Variants in NAALADL2 observed in about 807,000 individuals in gnomAD.
The protein encoded by NAALADL2 is N-acetylated alpha-linked acidic dipeptidase like 2.
In NAALADL2, 76 loss-of-function variants were observed where a neutral mutation model predicts 87.2. The ratio of observed to expected loss-of-function variants is 0.87; its 90% CI spans 0.72 to 1.05. The LOEUF is 1.05. Among genes scored for constraint, NAALADL2 ranks in the 50% least tolerant of loss-of-function variants. NAALADL2 has a pLI of 0.00. For synonymous variants in NAALADL2, 354 were observed against 331.0 expected, an observed-to-expected ratio of 1.07 and a Z score of -0.75; for missense variants, 1,089 against 945.8, an observed-to-expected ratio of 1.15 and a Z score of -1.99.
At chr3:175,695,600 T>C (rs1737668968) in intron 11 of NAALADL2, among the ~76,000 whole-genome samples, 1 of 152,140 alleles carries the variant, frequency 6.6e-6, no homozygotes, top group African/African-American at 2.4e-5. Flanking sequence ...TTTAGTACTA[T>C]TTGTTCTTTT....
At chr3:175,621,271 A>T (rs1439297003) in intron 10 of NAALADL2, among the ~76,000 whole-genome samples, 1 of 152,164 alleles carries the variant, frequency 6.6e-6, no homozygotes, top group East Asian at 1.9e-4. Flanking sequence ...CTCCTAAGAG[A>T]GGGAGAGAAA....
intron 3 of NAALADL2, among the ~76,000 whole-genome samples, chr3:174,837,995 A>G (rs974054725): frequency 2.7e-5 from 4 of 150,530 alleles, no homozygotes; most frequent in African/African-American, 7.3e-5. Flanking sequence ...CTAATACCAA[A>G]ACCAGGAAAG....
intron 13 of NAALADL2, among the ~76,000 whole-genome samples, chr3:175,799,014 C>CA (rs1415651242): frequency 1.3e-5 from 2 of 151,916 alleles, no homozygotes; most frequent in Non-Finnish European, 2.9e-5. Flanking sequence ...ATACTAGTTG[C>CA]AATGTTACAA....
intron 4 of NAALADL2, among the ~76,000 whole-genome samples, chr3:175,291,308 C>A (rs553307044): frequency 6.6e-6 from 1 of 152,138 alleles, no homozygotes; most frequent in Admixed American, 6.5e-5. Context: ...AGCAACAGTT[C>A]TTTCGATCTA....
At chr3:174,481,170 C>A (rs963732407) in intron 1 of NAALADL2, among the ~76,000 whole-genome samples, 1 of 152,032 alleles carries the variant, frequency 6.6e-6, no homozygotes, top group Admixed American at 6.6e-5. Flanking sequence ...AGTAGGTAAA[C>A]TTGGCTGGAG....
At chr3:175,447,144 T>C (rs1581925632) in intron 5 of NAALADL2, 85 bp from the exon 6 acceptor site, 1 of 814,472 alleles carries the variant, frequency 1.2e-6, no homozygotes, top group African/African-American at 1.7e-5. Context: ...AGTCATAATT[T>C]AAATACTTAT....
At chr3:174,503,304 A>G (rs1719015620) in intron 1 of NAALADL2, among the ~76,000 whole-genome samples, 1 of 152,176 alleles carries the variant, frequency 6.6e-6, no homozygotes, top group Admixed American at 6.5e-5. Flanking sequence ...TCCAGTTGCT[A>G]CAAAGAGTCC....
At chr3:174,754,466 C>CTTTT (rs11285494) in intron 3 of NAALADL2, among the ~76,000 whole-genome samples, 4 of 125,506 alleles carry the variant, frequency 3.2e-5, no homozygotes, top group Admixed American at 1.6e-4. Context: ...ACAGAGCTAT[C>CTTTT]TTTTTTTTTT....
intron 4 of NAALADL2, among the ~76,000 whole-genome samples, chr3:175,308,794 C>A (rs907505410): frequency 1.3e-5 from 2 of 152,182 alleles, no homozygotes; most frequent in African/African-American, 4.8e-5. Flanking sequence ...GCAAAGGCAA[C>A]TGGTAATCTA....
intron 1 of NAALADL2, among the ~76,000 whole-genome samples, chr3:175,020,385 T>A (rs1751420532): frequency 6.6e-6 from 1 of 152,092 alleles, no homozygotes; most frequent in South Asian, 2.1e-4. Context: ...CTTCAAAGCT[T>A]TAATCATGAA....
chr3:175,132,221 C>A (rs1728121722), intron 2 of NAALADL2, among the ~76,000 whole-genome samples: 1 of 69,172 alleles, frequency 1.4e-5, no homozygotes, highest in African/African-American at 8.4e-5. Flanking sequence ...CGGGCAGAGG[C>A]GCCCCTCACC....
chr3:175,084,165 G>C (rs1487445354), intron 1 of NAALADL2, among the ~76,000 whole-genome samples: 1 of 152,184 alleles, frequency 6.6e-6, no homozygotes, highest in African/African-American at 2.4e-5. Context: ...TAGCTTGAGT[G>C]GTGGTCTGGT....
intron 2 of NAALADL2, among the ~76,000 whole-genome samples, chr3:174,601,650 T>C (rs776049088): frequency 6.6e-6 from 1 of 152,154 alleles, no homozygotes; most frequent in Non-Finnish European, 1.5e-5. Context: ...TTTAACTTGA[T>C]GTGATCCCAT....
chr3:175,106,464 C>A (rs866844074), intron 2 of NAALADL2, among the ~76,000 whole-genome samples: 3 of 152,016 alleles, frequency 2.0e-5, no homozygotes, highest in African/African-American at 7.2e-5. Flanking sequence ...CTATAATATG[C>A]TTTTCCATCC....
At chr3:175,157,855 G>T (rs574199587) in intron 2 of NAALADL2, among the ~76,000 whole-genome samples, 1 of 152,024 alleles carries the variant, frequency 6.6e-6, no homozygotes, top group African/African-American at 2.4e-5. Context: ...GACTGAAGTT[G>T]ATCAACATAC....
At chr3:174,720,883 T>C (rs1731653788) in intron 2 of NAALADL2, among the ~76,000 whole-genome samples, 1 of 152,204 alleles carries the variant, frequency 6.6e-6, no homozygotes, top group African/African-American at 2.4e-5. Flanking sequence ...GTAATAGTTC[T>C]TAGAGACCAT....
chr3:175,471,573 C>A, intron 8 of NAALADL2, 66 bp from the exon 9 acceptor site: 2 of 864,856 alleles, frequency 2.3e-6, no homozygotes, highest in Non-Finnish European at 3.6e-6. Context: ...TATTCAACAT[C>A]TAACTAATAA....
intron 2 of NAALADL2, among the ~76,000 whole-genome samples, chr3:175,120,390 G>C (rs1245938903): frequency 1.3e-5 from 2 of 151,706 alleles, no homozygotes; most frequent in African/African-American, 4.8e-5. Flanking sequence ...GTTTGTAGAG[G>C]CATCTGGTCT....
chr3:175,227,489 T>A (rs895612339), intron 2 of NAALADL2, among the ~76,000 whole-genome samples: 2 of 152,054 alleles, frequency 1.3e-5, no homozygotes, highest in African/African-American at 2.4e-5. Flanking sequence ...AAATACCGTG[T>A]GATTTTAGGT....
Sources: gnomAD v4.1 joint callset for allele counts (sites outside exome capture counted in the v4.1 genomes callset) on GRCh38, gnomAD v4.1.1 for gene constraint, MANE v1.5 for transcripts, NCBI Gene and HGNC (gene_info 2026-07-23, HGNC 2026-07-21) for gene names.